The following SLC24A2 variants were observed in gnomAD, a reference collection of about 807,000 sequenced individuals.
The protein encoded by SLC24A2 is solute carrier family 24 member 2.
A neutral mutation model predicts 62.0 loss-of-function variants in SLC24A2; 36 were observed. That is an observed-to-expected ratio of 0.58 (90% CI 0.44 to 0.77). The LOEUF is 0.77. Ranked by LOEUF, SLC24A2 falls within the 30% of genes least tolerant of loss-of-function variation. The pLI is 0.00. For missense variants in SLC24A2, 846 were observed against 817.9 expected (o/e 1.03, Z -0.42); for synonymous variants, 358 against 294.0 (o/e 1.22, Z -2.23).
chr9:19,857,016 A>G, the SLC24A2 span, among the ~76,000 whole-genome samples: 1 of 152,202 alleles, frequency 6.6e-6, no homozygotes, highest in Admixed American at 6.5e-5. Flanking sequence ...GTTGTATTTT[A>G]ACTTTATTGT....
Position 19,513,212 on chromosome 9 carries a change from A to G in SLC24A2, c.*2941T>C, listed in dbSNP as rs926722384. ...TATATGTATATATTTATATATGTAT[A>G]TACACAGGCATGCAGGAAACGAGTT... is the stretch of plus-strand genomic sequence containing the variant. On this transcript the variant is annotated 3_prime_UTR_variant, in exon 11 of 11. Coordinates refer to ENST00000341998, the MANE Select transcript of SLC24A2 (RefSeq NM_020344.4). The G allele has an allele frequency of 2.0e-5, 3 of 147,276 alleles. No individual in the cohort carries two copies. Among genetic ancestry groups the G allele is most frequent in the Non-Finnish European group, 3.0e-5 (2 of 67,304 alleles). The allele number at this position is 147,276 out of a possible 1,614,324, so 9.1% of individuals were successfully genotyped here. A position where few individuals can be genotyped will look rare whatever the true frequency, so the allele number is the denominator to read the frequency against.
At chr9:19,845,610 T>A in the SLC24A2 span, among the ~76,000 whole-genome samples, 2 of 152,212 alleles carry the variant, frequency 1.3e-5, no homozygotes, top group Non-Finnish European at 2.9e-5. Context: ...GCTCTGATTT[T>A]GGTTATTTCT....
chr9:19,739,249 A>G (rs186798358), intron 2 of SLC24A2, among the ~76,000 whole-genome samples: 1 of 152,274 alleles, frequency 6.6e-6, no homozygotes, highest in Non-Finnish European at 1.5e-5. Flanking sequence ...ATGAACAGAG[A>G]TTCTATATTG....
the SLC24A2 span, among the ~76,000 whole-genome samples, chr9:19,812,282 C>G: frequency 6.6e-6 from 1 of 151,792 alleles, no homozygotes; most frequent in Non-Finnish European, 1.5e-5. Flanking sequence ...ATTCTTTTTT[C>G]TCTTCTTTTG....
chr9:20,277,579 A>G, the SLC24A2 span, among the ~76,000 whole-genome samples: 1 of 152,194 alleles, frequency 6.6e-6, no homozygotes, highest in Admixed American at 6.5e-5. Flanking sequence ...TTAAAAAGTC[A>G]GGAAACAACA....
At chr9:20,243,764 CCT>C in the SLC24A2 span, among the ~76,000 whole-genome samples, 9 of 152,092 alleles carry the variant, frequency 5.9e-5, no homozygotes, top group Non-Finnish European at 4.4e-5. Flanking sequence ...TGCCATATGA[CCT>C]CACTTTTTGG....
At chr9:19,549,250 T>A (rs1834727889) in intron 8 of SLC24A2, among the ~76,000 whole-genome samples, 1 of 152,234 alleles carries the variant, frequency 6.6e-6, no homozygotes, top group Non-Finnish European at 1.5e-5. Context: ...TCAGTTGCCC[T>A]TCTTACCTTC....
upstream of SLC24A2, among the ~76,000 whole-genome samples, chr9:19,789,162 C>T (rs1237417874): frequency 6.6e-6 from 1 of 152,360 alleles, no homozygotes; most frequent in East Asian, 1.9e-4. Flanking sequence ...GTCCTTTGCT[C>T]CACGCCTCCT....
the SLC24A2 span, among the ~76,000 whole-genome samples, chr9:20,047,254 ACT>A: frequency 2.0e-5 from 3 of 152,094 alleles, no homozygotes; most frequent in Non-Finnish European, 2.9e-5. Context: ...TAGTTCTGCC[ACT>A]TTCTAGCTAT....
At chr9:20,038,083 G>T in the SLC24A2 span, among the ~76,000 whole-genome samples, 1 of 152,148 alleles carries the variant, frequency 6.6e-6, no homozygotes, top group Non-Finnish European at 1.5e-5. Flanking sequence ...GCTCTTTGGG[G>T]TCATCTTAAT....
At chr9:20,077,645 A>C in the SLC24A2 span, among the ~76,000 whole-genome samples, 1 of 152,112 alleles carries the variant, frequency 6.6e-6, no homozygotes, top group East Asian at 1.9e-4. Flanking sequence ...TCTCATACTA[A>C]ACTTGACCAG....
At chr9:19,990,852 A>AG in the SLC24A2 span, among the ~76,000 whole-genome samples, 1 of 33,848 alleles carries the variant, frequency 3.0e-5, no homozygotes, top group Non-Finnish European at 8.5e-5. Flanking sequence ...CTTGGTTATC[A>AG]AAAAAAAAAA....
chr9:20,136,158 G>C, the SLC24A2 span, among the ~76,000 whole-genome samples: 1 of 152,172 alleles, frequency 6.6e-6, no homozygotes, highest in Admixed American at 6.5e-5. Context: ...GTTAGTTACA[G>C]AGTGCTTCCT....
Position 19,528,149 on chromosome 9 carries a change from A to G in SLC24A2, c.1480-11T>C. On this transcript the variant is annotated splice_polypyrimidine_tract_variant and intron_variant, in intron 8 of 10. Transcript: ENST00000341998. ...AAACTTCCTCGATGACTGAAAGACA[A>G]CCAGGAAGAGTTGAGAATATCAGTG... 3 of 1,539,618 alleles carry G rather than the reference A, an allele frequency of 1.9e-6. No individual in the cohort carries two copies. The highest frequency in any genetic ancestry group is 1.2e-5 in the South Asian group (1 of 85,038).
At chr9:20,067,822 T>C in the SLC24A2 span, among the ~76,000 whole-genome samples, 1 of 152,160 alleles carries the variant, frequency 6.6e-6, no homozygotes, top group Non-Finnish European at 1.5e-5. Flanking sequence ...GTCTTTGCTA[T>C]TGTGAATAGT....
At chr9:19,711,345 C>G (rs1820710013) in intron 2 of SLC24A2, among the ~76,000 whole-genome samples, 1 of 152,160 alleles carries the variant, frequency 6.6e-6, no homozygotes, top group Non-Finnish European at 1.5e-5. Flanking sequence ...ATAGTAAATA[C>G]AGAAAGATAC....
the SLC24A2 span, among the ~76,000 whole-genome samples, chr9:20,049,005 A>G: frequency 6.6e-6 from 1 of 152,068 alleles, no homozygotes; most frequent in Non-Finnish European, 1.5e-5. Context: ...ATATGTATAC[A>G]TGTGCCATGT....
chr9:20,274,899 C>T, the SLC24A2 span, among the ~76,000 whole-genome samples: 1 of 152,178 alleles, frequency 6.6e-6, no homozygotes, highest in South Asian at 2.1e-4. Flanking sequence ...CTGTGCCTCT[C>T]CCAGCCACTG....
the SLC24A2 span, among the ~76,000 whole-genome samples, chr9:20,080,477 C>T: frequency 6.6e-6 from 1 of 152,070 alleles, no homozygotes. Context: ...AAAATTAATT[C>T]AAGATGGATT....
Sources: allele counts gnomAD v4.1 joint callset (sites outside exome capture counted in the v4.1 genomes callset), GRCh38; gene constraint gnomAD v4.1.1; transcripts MANE v1.5; gene names NCBI Gene and HGNC (gene_info 2026-07-23, HGNC 2026-07-21).